Variants in FOXJ3 observed in about 807,000 individuals in gnomAD.
FOXJ3 encodes the protein forkhead box protein J3.
In FOXJ3, 22 loss-of-function variants were observed where a neutral mutation model predicts 76.1. That is an observed-to-expected ratio of 0.29 (90% CI 0.21 to 0.41). The LOEUF (loss-of-function observed/expected upper bound fraction) is 0.41, where lower values mean the gene tolerates loss of function less well. Among genes scored for constraint, FOXJ3 ranks in the 10% least tolerant of loss-of-function variants. The pLI, the probability that FOXJ3 is intolerant of heterozygous loss-of-function variation, is 1.00. For missense variants in FOXJ3, 613 were observed against 762.1 expected (o/e 0.80, Z 2.30); for synonymous variants, 269 against 261.2 (o/e 1.03, Z -0.29).
chr1:42,264,484 A>G (rs1158524369), intron 4 of FOXJ3, among the ~76,000 whole-genome samples: 1 of 152,050 alleles, frequency 6.6e-6, no homozygotes, highest in Non-Finnish European at 1.5e-5. Flanking sequence ...CCCAATAAAT[A>G]CACTGTCTCA....
chr1:42,261,234 A>G (rs1651010196), intron 4 of FOXJ3, among the ~76,000 whole-genome samples: 1 of 152,112 alleles, frequency 6.6e-6, no homozygotes, highest in Non-Finnish European at 1.5e-5. Context: ...TAGAGAAAAC[A>G]GAACTAATGA....
chr1:42,324,585 A>T (rs938083096), intron 1 of FOXJ3, among the ~76,000 whole-genome samples: 1 of 152,044 alleles, frequency 6.6e-6, no homozygotes, highest in Non-Finnish European at 1.5e-5. Context: ...GTCAGAGTGT[A>T]CTTCCACAAA....
chr1:42,260,426 C>T (rs1340542114), intron 4 of FOXJ3, among the ~76,000 whole-genome samples: 1 of 152,100 alleles, frequency 6.6e-6, no homozygotes, highest in Non-Finnish European at 1.5e-5. Flanking sequence ...ATTTGTGAGA[C>T]GTGGTGGCTC....
intron 7 of FOXJ3, among the ~76,000 whole-genome samples, chr1:42,197,856 T>C (rs1044987688): frequency 9.2e-5 from 14 of 152,260 alleles, no homozygotes; most frequent in Admixed American, 9.2e-4. Flanking sequence ...CAGGCTGATA[T>C]CAAACTCCTG....
intron 2 of FOXJ3, among the ~76,000 whole-genome samples, chr1:42,280,035 C>A (rs1330952044): frequency 6.6e-6 from 1 of 152,010 alleles, no homozygotes; most frequent in Non-Finnish European, 1.5e-5. Context: ...CAGTTATAAG[C>A]TGTAGAACTG....
chr1:42,210,516 C>A (rs556535894), intron 5 of FOXJ3, among the ~76,000 whole-genome samples: 1 of 152,278 alleles, frequency 6.6e-6, no homozygotes, highest in Non-Finnish European at 1.5e-5. Flanking sequence ...GACAATAACA[C>A]CACTCTGAGG....
intron 1 of FOXJ3, among the ~76,000 whole-genome samples, chr1:42,333,568 T>C (rs1311435892): frequency 6.6e-6 from 1 of 152,124 alleles, no homozygotes; most frequent in East Asian, 1.9e-4. Context: ...ATATAATATA[T>C]ACCACTCAGA....
At chr1:42,194,013 G>A (rs2124221310) in intron 8 of FOXJ3, among the ~76,000 whole-genome samples, 1 of 152,314 alleles carries the variant, frequency 6.6e-6, no homozygotes, top group Middle Eastern at 3.4e-3. Flanking sequence ...GCCCTCGCCA[G>A]ACACCATATC....
intron 5 of FOXJ3, among the ~76,000 whole-genome samples, chr1:42,208,249 G>GTAGCAGA (rs1274021458): frequency 6.6e-6 from 1 of 152,200 alleles, no homozygotes; most frequent in East Asian, 1.9e-4. Flanking sequence ...TGCTACTGAT[G>GTAGCAGA]TCAAGGATCT....
At chr1:42,246,249 C>T (rs1649541798) in intron 4 of FOXJ3, among the ~76,000 whole-genome samples, 1 of 152,042 alleles carries the variant, frequency 6.6e-6, no homozygotes, top group Non-Finnish European at 1.5e-5. Context: ...AAAATATTTG[C>T]AAACCATTCA....
chr1:42,222,119 T>G (rs1157660195), intron 5 of FOXJ3, among the ~76,000 whole-genome samples: 1 of 128,722 alleles, frequency 7.8e-6, no homozygotes, highest in Admixed American at 7.6e-5. Flanking sequence ...AAATAAAAAG[T>G]TGAAAAATAA....
At position 42,222,095 on chromosome 1, in the gene FOXJ3, A is replaced by G. The variant is rs146829359; in HGVS notation, c.528+5788T>C. Among the ~76,000 whole-genome samples, 89 of 146,746 alleles carry G rather than the reference A, an allele frequency of 6.1e-4. 5 individuals are homozygous for G. In the East Asian group the frequency reaches 0.017, roughly 28 times the overall value. On this transcript the variant is annotated intron_variant, in intron 5 of 12. Transcript: ENST00000361346. ...AAGAAGAAGAAGAAGAAGAAGAAGA[A>G]GAAGAAGAAGAAGAAATAAAAAGTT... is the stretch of plus-strand genomic sequence containing the variant.
chr1:42,293,595 G>A (rs916636292), intron 2 of FOXJ3, among the ~76,000 whole-genome samples: 1 of 152,150 alleles, frequency 6.6e-6, no homozygotes, highest in South Asian at 2.1e-4. Context: ...GTGCTGCGAG[G>A]TAAAGCATGA....
chr1:42,196,353 CTGT>C (rs1434346111), intron 7 of FOXJ3, among the ~76,000 whole-genome samples: 1 of 152,202 alleles, frequency 6.6e-6, no homozygotes, highest in Non-Finnish European at 1.5e-5. Flanking sequence ...TGCCATTGCA[CTGT>C]TGCTTAGGGA....
At chr1:42,278,946 A>C (rs971675534) in intron 2 of FOXJ3, among the ~76,000 whole-genome samples, 2 of 152,184 alleles carry the variant, frequency 1.3e-5, no homozygotes, top group Non-Finnish European at 2.9e-5. Context: ...TCCGATGCCA[A>C]TCTTTCTAAA....
Position 42,179,669 on chromosome 1 carries a change from GA to G in FOXJ3, c.*40del, listed in dbSNP as rs1557611241. On this transcript the variant is annotated 3_prime_UTR_variant, in exon 13 of 13. Coordinates refer to ENST00000361346, the MANE Select transcript of FOXJ3 (RefSeq NM_014947.5). Reference sequence around the variant, plus strand: ...CTTAAACCTTTCCCTTCACTGCACAGAAAGGTAACGTTAGGGTCTGGTGTCT... The same window carrying G: ...CTTAAACCTTTCCCTTCACTGCACAGAAGGTAACGTTAGGGTCTGGTGTCT... 3 of 1,258,000 alleles carry G rather than the reference GA, an allele frequency of 2.4e-6. No individual in the cohort carries two copies. The South Asian group carries it at 3.6e-5, about 15-fold the overall frequency. The allele number at this position is 1,258,000 out of a possible 1,614,324, so 77.9% of individuals were successfully genotyped here. A position where few individuals can be genotyped will look rare whatever the true frequency, so the allele number is the denominator to read the frequency against.
intron 4 of FOXJ3, among the ~76,000 whole-genome samples, chr1:42,231,948 C>A (rs1294195575): frequency 6.6e-6 from 1 of 152,178 alleles, no homozygotes; most frequent in Non-Finnish European, 1.5e-5. Context: ...TCCTTCCCCC[C>A]TACCCCCACC....
intron 5 of FOXJ3, among the ~76,000 whole-genome samples, chr1:42,208,971 T>C (rs955197339): frequency 6.6e-6 from 1 of 152,204 alleles, no homozygotes; most frequent in Admixed American, 6.5e-5. Flanking sequence ...AATGGTTGTA[T>C]AGGTACTTGA....
chr1:42,193,052 G>A (rs1646581314), intron 8 of FOXJ3, among the ~76,000 whole-genome samples: 1 of 152,058 alleles, frequency 6.6e-6, no homozygotes, highest in Admixed American at 6.5e-5. Context: ...ACCAAGGTCT[G>A]ATCTGTATCA....
Sources: gnomAD v4.1 joint callset for allele counts (sites outside exome capture counted in the v4.1 genomes callset) on GRCh38, gnomAD v4.1.1 for gene constraint, MANE v1.5 for transcripts, NCBI Gene and HGNC (gene_info 2026-07-23, HGNC 2026-07-21) for gene names.